The following PSD3 variants were observed in gnomAD, a reference collection of about 807,000 sequenced individuals.
The protein encoded by PSD3 is pleckstrin and Sec7 domain containing 3.
PSD3 carries 49 observed loss-of-function variants against 105.5 expected under a neutral mutation model. The observed-to-expected ratio is 0.46, with a 90% CI of 0.37 to 0.59. The LOEUF is 0.59. Among genes scored for constraint, PSD3 ranks in the 20% least tolerant of loss-of-function variants. PSD3 has a pLI of 0.00. For synonymous variants in PSD3, 557 were observed against 457.8 expected, an observed-to-expected ratio of 1.22 and a Z score of -2.77; for missense variants, 1,561 against 1,263.8, an observed-to-expected ratio of 1.24 and a Z score of -3.57.
intron 9 of PSD3, among the ~76,000 whole-genome samples, chr8:18,744,756 T>C (rs1174280923): frequency 1.3e-5 from 2 of 152,206 alleles, no homozygotes; most frequent in Non-Finnish European, 2.9e-5. Context: ...AACTGAACTA[T>C]ACACCTTATT....
chr8:19,061,063 A>G (rs1009101331), intron 1 of PSD3, among the ~76,000 whole-genome samples: 2 of 152,200 alleles, frequency 1.3e-5, no homozygotes, highest in African/African-American at 4.8e-5. Context: ...CTCCATGGGC[A>G]TCAGCCAGGT....
At chr8:18,919,307 T>G (rs1022527337) in intron 2 of PSD3, among the ~76,000 whole-genome samples, 2 of 152,094 alleles carry the variant, frequency 1.3e-5, no homozygotes. Flanking sequence ...CTCTTAGCAT[T>G]ACCTCACACA....
intron 1 of PSD3, among the ~76,000 whole-genome samples, chr8:19,063,515 C>T (rs769571222): frequency 4.6e-5 from 7 of 152,150 alleles, no homozygotes; most frequent in South Asian, 4.1e-4. Context: ...CACAACCCCG[C>T]GATCTGATTC....
intron 8 of PSD3, among the ~76,000 whole-genome samples, chr8:18,779,260 A>G (rs981641671): frequency 1.3e-5 from 2 of 152,118 alleles, no homozygotes; most frequent in Admixed American, 6.5e-5. Context: ...ATAGTCTCTA[A>G]CAATCTTCTA....
chr8:18,865,486 C>T (rs1586266294), intron 4 of PSD3, among the ~76,000 whole-genome samples: 2 of 151,528 alleles, frequency 1.3e-5, no homozygotes, highest in South Asian at 4.2e-4. Flanking sequence ...TAAACCTGCC[C>T]TACCTTTTAA....
chr8:18,876,323 T>C (rs867684463), intron 2 of PSD3, among the ~76,000 whole-genome samples: 6 of 152,226 alleles, frequency 3.9e-5, no homozygotes, highest in South Asian at 4.1e-4. Flanking sequence ...TGGAGTTGTT[T>C]CAACTTGTTG....
Position 18,872,074 on chromosome 8 carries a change from C to G in PSD3, c.790G>C (p.Gly264Arg). 1 of 1,614,172 alleles carries G rather than the reference C, an allele frequency of 6.2e-7. No homozygotes were observed. Among genetic ancestry groups the G allele is most frequent in the Middle Eastern group, 1.6e-4 (1 of 6,062 alleles). The stretch of plus-strand genomic sequence containing the variant: ...TGCTCTTTCAAGAAACCAACACTGC[C>G]TGCAGAGTGGCAGGTCACTGCTGAG... ...GSSAVTCHSA[G>R]SVGFLKEQRS... The change falls in exon 3 of 16, where the codon GGC (glycine) becomes CGC (arginine). Residue 264 changes from glycine to arginine, a missense_variant. By Grantham distance (125) the Gly-to-Arg change is moderately radical (BLOSUM62 -2). Coordinates refer to ENST00000327040, the MANE Select transcript of PSD3 (RefSeq NM_015310.4).
chr8:18,989,110 T>C (rs112737986), intron 1 of PSD3, among the ~76,000 whole-genome samples: 18 of 152,308 alleles, frequency 1.2e-4, no homozygotes, highest in African/African-American at 4.3e-4. Flanking sequence ...ATAAATAGCA[T>C]GCCAGAGATG....
chr8:18,746,412 T>C (rs867128789), intron 9 of PSD3, among the ~76,000 whole-genome samples: 16 of 152,132 alleles, frequency 1.1e-4, no homozygotes, highest in East Asian at 5.8e-4. Flanking sequence ...CGTGTCCTCA[T>C]TCTTCTTCAG....
At chr8:19,013,877 AG>A (rs1251048069), upstream of PSD3, among the ~76,000 whole-genome samples, 2 of 42,160 alleles carry the variant, frequency 4.7e-5, no homozygotes, top group South Asian at 7.6e-4. Context: ...CGCCTCGGGG[AG>A]GGGGGAGGTG....
chr8:18,669,315 C>G (rs1309529031), intron 9 of PSD3, among the ~76,000 whole-genome samples: 1 of 152,162 alleles, frequency 6.6e-6, no homozygotes, highest in Admixed American at 6.5e-5. Context: ...CGAATGGGAC[C>G]AAACCCTATA....
Position 18,535,950 on chromosome 8 carries a change from G to A in PSD3, c.2937C>T (p.Arg979=), listed in dbSNP as rs1799822185. 1 of 1,613,868 alleles carries A rather than the reference G, an allele frequency of 6.2e-7. No individual in the cohort carries two copies. The highest frequency in any genetic ancestry group is 1.7e-5 in the Admixed American group (1 of 60,002). Residue 979 remains arginine (R), a synonymous_variant, in exon 16 of 16, where the codon CGC becomes CGT. Transcript: ENST00000327040. ...KDHYLEFEKT[R]YEMYVSILKE... The stretch of plus-strand genomic sequence containing the variant: ...TGAGAATGCTGACATACATTTCATA[G>A]CGGGTTTTCTGAAGGCAAAGCCAGA...
chr8:19,027,126 T>C (rs1827585544), intron 1 of PSD3, among the ~76,000 whole-genome samples: 1 of 152,154 alleles, frequency 6.6e-6, no homozygotes, highest in African/African-American at 2.4e-5. Flanking sequence ...TCTCTGTACA[T>C]TTGTTTCTGA....
At chr8:18,612,654 G>A (rs1024315125) in intron 11 of PSD3, among the ~76,000 whole-genome samples, 1 of 152,166 alleles carries the variant, frequency 6.6e-6, no homozygotes, top group Non-Finnish European at 1.5e-5. Context: ...ACAGGCATGA[G>A]CCACCGCACA....
At chr8:18,634,055 T>C (rs1308261688) in intron 10 of PSD3, among the ~76,000 whole-genome samples, 1 of 152,098 alleles carries the variant, frequency 6.6e-6, no homozygotes, top group African/African-American at 2.4e-5. Context: ...TGGCCATTTG[T>C]ATATCTTCTT....
intron 1 of PSD3, among the ~76,000 whole-genome samples, chr8:18,992,238 T>A (rs1825844057): frequency 2.0e-5 from 3 of 152,120 alleles, no homozygotes; most frequent in African/African-American, 7.2e-5. Flanking sequence ...GTATGTCTCA[T>A]TAAATCAAGG....
chr8:18,553,575 A>G (rs915671616), intron 15 of PSD3, among the ~76,000 whole-genome samples: 1 of 152,198 alleles, frequency 6.6e-6, no homozygotes, highest in African/African-American at 2.4e-5. Flanking sequence ...TATATCTGCT[A>G]TGAAGCGGCC....
chr8:18,701,435 C>G (rs925053612), intron 9 of PSD3, among the ~76,000 whole-genome samples: 2 of 152,072 alleles, frequency 1.3e-5, no homozygotes, highest in Admixed American at 6.6e-5. Context: ...TCAACAAGCC[C>G]CTTTATGAAG....
chr8:18,909,209 C>T (rs979023836), intron 2 of PSD3, among the ~76,000 whole-genome samples: 5 of 152,168 alleles, frequency 3.3e-5, no homozygotes, highest in African/African-American at 1.2e-4. Flanking sequence ...TTCCCTAAAA[C>T]CAACAAACAT....
Sources: allele counts gnomAD v4.1 joint callset (sites outside exome capture counted in the v4.1 genomes callset), GRCh38; gene constraint gnomAD v4.1.1; transcripts MANE v1.5; gene names NCBI Gene and HGNC (gene_info 2026-07-23, HGNC 2026-07-21).